Variants in GALNT13 observed in about 807,000 individuals in gnomAD.
The protein encoded by GALNT13 is polypeptide N-acetylgalactosaminyltransferase 13.
In GALNT13, 28 loss-of-function variants were observed where a neutral mutation model predicts 64.2. That is an observed-to-expected ratio of 0.44 (90% confidence interval 0.32 to 0.60). The LOEUF (loss-of-function observed/expected upper bound fraction) is 0.60, where lower values mean the gene tolerates loss of function less well. GALNT13 is among the 20% of genes least tolerant of loss of function. The probability of loss-of-function intolerance (pLI) is 0.05; values close to 1 mark genes in which losing one functional copy is unlikely to be tolerated. For missense variants in GALNT13, 577 were observed against 669.8 expected (o/e 0.86, Z 1.53); for synonymous variants, 214 against 224.6 (o/e 0.95, Z 0.42).
chr2:153,996,909 T>G (rs1695558798), intron 3 of GALNT13, among the ~76,000 whole-genome samples: 1 of 152,146 alleles, frequency 6.6e-6, no homozygotes, highest in Admixed American at 6.6e-5. Context: ...CTGGGACCAA[T>G]TTTCTTTAAT....
rs528686473 is a variant in GALNT13, at chr2:154,099,692, C to T, written c.143-40645C>T. ...GAGGCTCATACCTGTAATACCAGCA[C>T]TTTGGGAAGCCAAAGCAAGAGGATT... On this transcript the variant is annotated intron_variant, in intron 3 of 12. Transcript: ENST00000392825. Among the ~76,000 whole-genome samples, 4 of 152,216 alleles carry T rather than the reference C, an allele frequency of 2.6e-5. No homozygotes were observed. In the South Asian group the frequency reaches 8.3e-4, roughly 32 times the overall value.
At chr2:153,545,813 G>A in the GALNT13 span, among the ~76,000 whole-genome samples, 1 of 152,196 alleles carries the variant, frequency 6.6e-6, no homozygotes, top group Admixed American at 6.5e-5. Flanking sequence ...CCCAATCCAG[G>A]CACCCAACAT....
intron 3 of GALNT13, among the ~76,000 whole-genome samples, chr2:154,073,495 A>G (rs1700841886): frequency 6.6e-6 from 1 of 151,956 alleles, no homozygotes; most frequent in African/African-American, 2.4e-5. Flanking sequence ...TAGTTTTCCA[A>G]TAAAGATTAT....
chr2:154,120,080 TTTG>T (rs762174564), intron 3 of GALNT13, among the ~76,000 whole-genome samples: 4 of 150,760 alleles, frequency 2.7e-5, no homozygotes, highest in South Asian at 2.1e-4. Flanking sequence ...TGTTTGTTTG[TTTG>T]TTTTTTTGTC....
At chr2:154,079,566 A>G (rs1480861573) in intron 3 of GALNT13, among the ~76,000 whole-genome samples, 1 of 151,504 alleles carries the variant, frequency 6.6e-6, no homozygotes, top group Non-Finnish European at 1.5e-5. Flanking sequence ...TTAACCTTGC[A>G]CCTCAAATTT....
chr2:153,392,414 C>A, the GALNT13 span, among the ~76,000 whole-genome samples: 1 of 151,896 alleles, frequency 6.6e-6, no homozygotes, highest in African/African-American at 2.4e-5. Flanking sequence ...AGCAACAGTT[C>A]AAGAAGGTGT....
At chr2:153,957,825 C>T (rs1308974353) in intron 3 of GALNT13, among the ~76,000 whole-genome samples, 1 of 152,128 alleles carries the variant, frequency 6.6e-6, no homozygotes, top group African/African-American at 2.4e-5. Flanking sequence ...CTGGCTTACC[C>T]ATATACTTTT....
intron 10 of GALNT13, among the ~76,000 whole-genome samples, chr2:154,404,478 A>C (rs1000784128): frequency 6.6e-6 from 1 of 152,180 alleles, no homozygotes; most frequent in Non-Finnish European, 1.5e-5. Flanking sequence ...ATGATACTAC[A>C]ATTTTTGTAG....
At chr2:153,261,594 G>A in the GALNT13 span, among the ~76,000 whole-genome samples, 1 of 152,118 alleles carries the variant, frequency 6.6e-6, no homozygotes, top group African/African-American at 2.4e-5. Context: ...AAGCAAACCT[G>A]TGGCCACCAC....
chr2:153,810,187 T>C, the GALNT13 span, among the ~76,000 whole-genome samples: 227 of 152,162 alleles, frequency 1.5e-3, 2 homozygotes, highest in East Asian at 0.04. Flanking sequence ...ATGGTCTCAA[T>C]CTCCTGACCT....
the GALNT13 span, among the ~76,000 whole-genome samples, chr2:153,082,289 T>C: frequency 6.6e-6 from 1 of 151,954 alleles, no homozygotes; most frequent in East Asian, 1.9e-4. Context: ...CAGTGTGTAC[T>C]CTTTTATCCC....
At chr2:153,788,575 T>G in the GALNT13 span, among the ~76,000 whole-genome samples, 1 of 152,050 alleles carries the variant, frequency 6.6e-6, no homozygotes, top group Non-Finnish European at 1.5e-5. Flanking sequence ...AATAACACAA[T>G]GACAGGATCA....
chr2:153,199,208 A>G, the GALNT13 span, among the ~76,000 whole-genome samples: 62 of 152,354 alleles, frequency 4.1e-4, no homozygotes, highest in South Asian at 3.1e-3. Flanking sequence ...TGTCTTTCAT[A>G]GGAATGCATA....
At chr2:154,198,195 C>T (rs1452105850) in intron 4 of GALNT13, among the ~76,000 whole-genome samples, 1 of 151,890 alleles carries the variant, frequency 6.6e-6, no homozygotes, top group Non-Finnish European at 1.5e-5. Flanking sequence ...AAAGTAGATA[C>T]AATGCATAGA....
intron 3 of GALNT13, among the ~76,000 whole-genome samples, chr2:154,017,958 A>G (rs965806409): frequency 5.9e-5 from 9 of 152,172 alleles, no homozygotes; most frequent in African/African-American, 1.7e-4. Flanking sequence ...TCCACTGCTT[A>G]CTTTTTGTTA....
chr2:153,591,547 G>C, the GALNT13 span, among the ~76,000 whole-genome samples: 1 of 151,954 alleles, frequency 6.6e-6, no homozygotes, highest in African/African-American at 2.4e-5. Context: ...CTTCAAGTTA[G>C]ATTACAAAGC....
chr2:153,282,046 C>T, the GALNT13 span, among the ~76,000 whole-genome samples: 2 of 151,726 alleles, frequency 1.3e-5, no homozygotes, highest in Non-Finnish European at 2.9e-5. Context: ...GCAGTGATTC[C>T]TAGGTTCAGT....
At chr2:153,896,081 A>AT (rs576073876) in intron 1 of GALNT13, among the ~76,000 whole-genome samples, 64 of 136,740 alleles carry the variant, frequency 4.7e-4, no homozygotes, top group African/African-American at 1.7e-3. Flanking sequence ...ATGATTTTAT[A>AT]TTTTTATGTT....
chr2:154,028,822 A>T (rs1012159193), intron 3 of GALNT13, among the ~76,000 whole-genome samples: 13 of 152,092 alleles, frequency 8.5e-5, no homozygotes, highest in African/African-American at 2.9e-4. Context: ...AGGATAAAAA[A>T]ATAATGGGAA....
Sources: allele counts gnomAD v4.1 joint callset (sites outside exome capture counted in the v4.1 genomes callset), GRCh38; gene constraint gnomAD v4.1.1; transcripts MANE v1.5; gene names NCBI Gene and HGNC (gene_info 2026-07-23, HGNC 2026-07-21).